YAP1: variants seen among roughly 807,000 people sequenced by gnomAD.
YAP1 encodes Yes1 associated transcriptional regulator.
YAP1 carries 5 observed loss-of-function variants against 56.9 expected under a neutral mutation model. The observed-to-expected ratio is 0.09, with a 90% CI of 0.05 to 0.18. The LOEUF is 0.18. Among genes scored for constraint, YAP1 ranks in the 10% least tolerant of loss-of-function variants. The pLI is 1.00. For missense variants in YAP1, 539 were observed against 651.8 expected (o/e 0.83, Z 1.88); for synonymous variants, 265 against 248.1 (o/e 1.07, Z -0.64).
chr11:102,124,838 C>T (rs1591142689), intron 2 of YAP1, among the ~76,000 whole-genome samples: 1 of 152,082 alleles, frequency 6.6e-6, no homozygotes, highest in Non-Finnish European at 1.5e-5. Context: ...GGAGCTCAAG[C>T]GATCCTCCCT....
At chr11:102,146,009 T>G (rs907576303) in intron 2 of YAP1, among the ~76,000 whole-genome samples, 33 of 152,204 alleles carry the variant, frequency 2.2e-4, no homozygotes, top group African/African-American at 7.7e-4. Context: ...TTGATCAAAA[T>G]TCAGTTAGGT....
chr11:102,147,290 G>A (rs1361872102), intron 2 of YAP1, among the ~76,000 whole-genome samples: 1 of 152,150 alleles, frequency 6.6e-6, no homozygotes, highest in African/African-American at 2.4e-5. Context: ...TTATAGTGTA[G>A]TATGCCAGAA....
intron 2 of YAP1, among the ~76,000 whole-genome samples, chr11:102,128,965 C>CTCT (rs11371345): frequency 2.0e-5 from 3 of 151,782 alleles, no homozygotes; most frequent in Admixed American, 6.6e-5. Flanking sequence ...CCCTCCCTCT[C>CTCT]GCTTCCCTAT....
chr11:102,140,128 T>A (rs1944926469), intron 2 of YAP1, among the ~76,000 whole-genome samples: 1 of 152,088 alleles, frequency 6.6e-6, no homozygotes. Flanking sequence ...GTAGCTTTTC[T>A]GTATATATAG....
At chr11:102,205,702 G>A (rs1178916434) in intron 4 of YAP1, among the ~76,000 whole-genome samples, 191 bp from the exon 5 acceptor site, 1 of 151,676 alleles carries the variant, frequency 6.6e-6, no homozygotes, top group Non-Finnish European at 1.5e-5. Flanking sequence ...TGACTTCCTT[G>A]TATCTTGTGA....
At chr11:102,158,881 AAC>A (rs776147756) in intron 2 of YAP1, among the ~76,000 whole-genome samples, 6 of 152,238 alleles carry the variant, frequency 3.9e-5, no homozygotes, top group Non-Finnish European at 4.4e-5. Context: ...TTGAAAATAA[AAC>A]ACACAATCAA....
intron 2 of YAP1, among the ~76,000 whole-genome samples, chr11:102,140,803 G>C (rs1944975267): frequency 6.6e-6 from 1 of 151,682 alleles, no homozygotes; most frequent in Non-Finnish European, 1.5e-5. Context: ...AGATCGTGCT[G>C]TTTCACTCCA....
intron 6 of YAP1, among the ~76,000 whole-genome samples, chr11:102,223,253 C>CAA (rs1013718662): frequency 5.5e-4 from 29 of 52,458 alleles, no homozygotes; most frequent in East Asian, 5.0e-3. Context: ...TCTTGAAGAA[C>CAA]AAAAAAAAAA....
At chr11:102,122,436 AG>A in intron 2 of YAP1, among the ~76,000 whole-genome samples, 1 of 149,388 alleles carries the variant, frequency 6.7e-6, no homozygotes, top group East Asian at 2.0e-4. Context: ...AAAAAAAAAA[AG>A]AAGGAAAGAA....
chr11:102,125,813 A>G (rs1170994038), intron 2 of YAP1, among the ~76,000 whole-genome samples: 1 of 151,944 alleles, frequency 6.6e-6, no homozygotes, highest in East Asian at 1.9e-4. Context: ...TTCTTTTTAT[A>G]TTTTGTGCTG....
intron 2 of YAP1, among the ~76,000 whole-genome samples, chr11:102,138,549 A>G (rs11225148): frequency 0.043 from 6,491 of 152,326 alleles, 215 homozygotes; most frequent in Admixed American, 0.12. Flanking sequence ...CTTCTACCAC[A>G]TTCTGTTGTA....
intron 4 of YAP1, among the ~76,000 whole-genome samples, chr11:102,202,133 G>C (rs759523208): frequency 6.6e-6 from 1 of 151,458 alleles, no homozygotes; most frequent in African/African-American, 2.4e-5. Context: ...TTTTCCCTTC[G>C]CTCCAGGTAG....
At chr11:102,156,230 T>C (rs185399601) in intron 2 of YAP1, among the ~76,000 whole-genome samples, 27 of 152,318 alleles carry the variant, frequency 1.8e-4, no homozygotes, top group Admixed American at 1.7e-3. Context: ...CCACCAACCA[T>C]CTTTTGAAGA....
intron 2 of YAP1, among the ~76,000 whole-genome samples, chr11:102,120,100 A>C (rs1943559922): frequency 6.6e-6 from 1 of 152,224 alleles, no homozygotes; most frequent in Admixed American, 6.5e-5. Flanking sequence ...TCAGAACTAC[A>C]AGCCATGAAA....
chr11:102,132,618 C>CT (rs1176859843), intron 2 of YAP1, among the ~76,000 whole-genome samples: 2 of 152,024 alleles, frequency 1.3e-5, no homozygotes, highest in African/African-American at 4.8e-5. Flanking sequence ...TAAGATTTTC[C>CT]TTTTTTGCTT....
At chr11:102,173,532 A>G (rs1443977700) in intron 3 of YAP1, among the ~76,000 whole-genome samples, 5 of 152,178 alleles carry the variant, frequency 3.3e-5, no homozygotes, top group Non-Finnish European at 7.4e-5. Context: ...ATTCTAAGAA[A>G]GAGTAGGGAA....
In YAP1 at chr11:102,114,369, T is replaced by C; in HGVS notation, c.547T>C (p.Ser183Pro). The change falls in exon 2 of 9, where the codon TCT becomes CCT. Residue 183 changes from serine (S) to proline (P), a missense_variant. By Grantham distance (74) the Ser-to-Pro change is moderately conservative. Around this residue, in one of 4 missense-constraint regions of YAP1, gnomAD observed 414 missense variants for 512.4 expected, o/e 0.81. Transcript: ENST00000282441. ...AGCAGGTTGGGAGATGGCAAAGACATCTTCTGGTCAGAGATACTTCTTAAA... is the reference window on the plus strand; with the variant it reads ...AGCAGGTTGGGAGATGGCAAAGACACCTTCTGGTCAGAGATACTTCTTAAA... ...LPAGWEMAKT[S>P]SGQRYFLNHI... 1 of 1,613,974 alleles carries C rather than the reference T, an allele frequency of 6.2e-7. No individual in the cohort carries two copies. Among genetic ancestry groups the C allele is most frequent in the Non-Finnish European group, 8.5e-7 (1 of 1,179,814 alleles).
intron 4 of YAP1, 160 bp downstream of exon 4, chr11:102,186,291 A>G (rs1947941218): frequency 1.2e-6 from 1 of 805,554 alleles, no homozygotes. Context: ...TATCCTTCTC[A>G]TTGTAAACTT....
At chr11:102,176,237 G>A (rs568671438) in intron 3 of YAP1, among the ~76,000 whole-genome samples, 1 of 152,286 alleles carries the variant, frequency 6.6e-6, no homozygotes, top group East Asian at 1.9e-4. Flanking sequence ...ATAAAAAATG[G>A]AGAACTTTTT....
Sources: allele counts gnomAD v4.1 joint callset (sites outside exome capture counted in the v4.1 genomes callset), GRCh38; gene constraint gnomAD v4.1.1; regional missense constraint gnomAD v4.1.1; transcripts MANE v1.5; gene names NCBI Gene and HGNC (gene_info 2026-07-23, HGNC 2026-07-21).